Variants in EPHA6 observed in about 807,000 individuals in gnomAD.
The protein encoded by EPHA6 is ephrin type-A receptor 6.
EPHA6 carries 50 observed loss-of-function variants against 112.0 expected under a neutral mutation model. The observed-to-expected ratio is 0.45, with a 90% CI of 0.36 to 0.56. The LOEUF (loss-of-function observed/expected upper bound fraction) is 0.56. Among genes scored for constraint, EPHA6 ranks in the 20% least tolerant of loss-of-function variants. The probability of loss-of-function intolerance (pLI) is 0.00; values close to 1 mark genes in which losing one functional copy is unlikely to be tolerated. For synonymous variants in EPHA6, 529 were observed against 490.7 expected, an observed-to-expected ratio of 1.08 and a Z score of -1.03; for missense variants, 1,280 against 1,417.4, an observed-to-expected ratio of 0.90 and a Z score of 1.56.
intron 3 of EPHA6, among the ~76,000 whole-genome samples, chr3:97,087,396 A>T (rs1011652800): frequency 2.0e-5 from 3 of 152,206 alleles, no homozygotes; most frequent in Middle Eastern, 3.4e-3. Context: ...AGACATGATG[A>T]TCTAACCAAA....
At chr3:97,697,998 TTTTG>T (rs992947935) in intron 14 of EPHA6, among the ~76,000 whole-genome samples, 5 of 152,158 alleles carry the variant, frequency 3.3e-5, no homozygotes, top group Admixed American at 6.5e-5. Flanking sequence ...AATGCATGTT[TTTTG>T]TTTGTTTGTT....
At position 97,708,851 on chromosome 3, in the gene EPHA6, C is replaced by T. The variant is rs193193840; in HGVS notation, c.2785-11410C>T. Among the ~76,000 whole-genome samples, 458 of 152,328 alleles carry T rather than the reference C, an allele frequency of 3.0e-3. 4 individuals carry two copies. Among genetic ancestry groups the T allele is most frequent in the African/African-American group, 9.9e-3 (413 of 41,576 alleles). On this transcript the variant is annotated intron_variant, in intron 14 of 17. Coordinates refer to ENST00000389672, the MANE Select transcript of EPHA6 (RefSeq NM_001080448.3). The stretch of plus-strand genomic sequence containing the variant: ...GGGCCATTGCTTCAGAGGGTGCAAG[C>T]GTCAGGCCTTGGTGGCTTCCATGTG...
chr3:97,237,493 CGA>C (rs1203441150), intron 4 of EPHA6, among the ~76,000 whole-genome samples: 1 of 151,880 alleles, frequency 6.6e-6, no homozygotes, highest in Non-Finnish European at 1.5e-5. Context: ...GTTGGAGAAT[CGA>C]GTTACCACTT....
intron 1 of EPHA6, among the ~76,000 whole-genome samples, chr3:96,821,828 A>T (rs2033282516): frequency 6.6e-6 from 1 of 151,866 alleles, no homozygotes; most frequent in Non-Finnish European, 1.5e-5. Flanking sequence ...GCAACCATAG[A>T]TTTAATATCA....
chr3:97,644,912 A>T (rs1025141667), intron 14 of EPHA6, among the ~76,000 whole-genome samples: 1 of 152,158 alleles, frequency 6.6e-6, no homozygotes, highest in Non-Finnish European at 1.5e-5. Context: ...AGTAAAAAAG[A>T]GGGAATCCTC....
intron 3 of EPHA6, among the ~76,000 whole-genome samples, chr3:97,086,736 A>T (rs1358787691): frequency 1.3e-5 from 2 of 152,118 alleles, no homozygotes; most frequent in Admixed American, 1.3e-4. Flanking sequence ...TATTGAATAA[A>T]TTTATACCAC....
At chr3:97,018,722 G>C (rs1194935869) in intron 3 of EPHA6, among the ~76,000 whole-genome samples, 1 of 152,222 alleles carries the variant, frequency 6.6e-6, no homozygotes, top group Non-Finnish European at 1.5e-5. Context: ...AGACGGTTAG[G>C]CCTCCGGATA....
intron 3 of EPHA6, among the ~76,000 whole-genome samples, chr3:97,176,687 G>T (rs988761554): frequency 1.3e-5 from 2 of 151,750 alleles, no homozygotes. Flanking sequence ...GCATATAGTT[G>T]CTCATAGTAG....
chr3:97,596,875 A>AATATATATATATATAT lies in EPHA6; in HGVS notation c.2512+4153_2512+4168dup, dbSNP rs62670860. 8.7e-3 allele frequency among the ~76,000 whole-genome samples: 877 copies of AATATATATATATATAT among 100,236 alleles called. 4 individuals are homozygous for AATATATATATATATAT. The highest frequency in any genetic ancestry group is 0.011 in the Non-Finnish European group (618 of 55,374). 65.8% of individuals were successfully genotyped at this position (100,236 alleles called of 152,430 possible). A position where few individuals can be genotyped will look rare whatever the true frequency, so the allele number is the denominator to read the frequency against. On this transcript the variant is annotated intron_variant, in intron 12 of 17. Coordinates refer to ENST00000389672, the MANE Select transcript of EPHA6 (RefSeq NM_001080448.3). ...GCAACAATTCCATATATATCTATGG[A>AATATATATATATATAT]ATATATATATATATATATATATATA...
intron 13 of EPHA6, among the ~76,000 whole-genome samples, chr3:97,631,258 C>T (rs1429460927): frequency 1.3e-5 from 2 of 151,958 alleles, no homozygotes; most frequent in Non-Finnish European, 1.5e-5. Flanking sequence ...TTCAGAGATG[C>T]CCATCTTTTG....
chr3:97,673,435 T>A (rs1409363735), intron 14 of EPHA6, among the ~76,000 whole-genome samples: 1 of 152,136 alleles, frequency 6.6e-6, no homozygotes, highest in Non-Finnish European at 1.5e-5. Flanking sequence ...CACTTTTCAT[T>A]TGTGGAAGAT....
intron 15 of EPHA6, among the ~76,000 whole-genome samples, chr3:97,724,516 A>G (rs752745785): frequency 1.2e-4 from 19 of 152,070 alleles, no homozygotes; most frequent in African/African-American, 1.9e-4. Flanking sequence ...CACACATATA[A>G]TCAATGCTTT....
intron 14 of EPHA6, among the ~76,000 whole-genome samples, chr3:97,715,990 C>G (rs2034199205): frequency 6.6e-6 from 1 of 152,126 alleles, no homozygotes; most frequent in African/African-American, 2.4e-5. Flanking sequence ...AATGAGAAGC[C>G]ATTTGAGTTA....
chr3:97,476,488 C>T (rs1468323619), intron 8 of EPHA6, among the ~76,000 whole-genome samples: 1 of 151,922 alleles, frequency 6.6e-6, no homozygotes, highest in Non-Finnish European at 1.5e-5. Context: ...TTCAGTGAAC[C>T]GAAAACACTA....
chr3:97,540,258 A>G (rs757704611), intron 11 of EPHA6, among the ~76,000 whole-genome samples: 1 of 152,220 alleles, frequency 6.6e-6, no homozygotes, highest in African/African-American at 2.4e-5. Context: ...ATGGATTCTC[A>G]GGACATTTAC....
chr3:97,520,022 C>T (rs1205446452), intron 10 of EPHA6, among the ~76,000 whole-genome samples: 2 of 147,052 alleles, frequency 1.4e-5, no homozygotes, highest in Non-Finnish European at 1.5e-5. Flanking sequence ...GGCTGGAGTG[C>T]AGTGGTATGA....
chr3:97,159,077 A>G (rs1169684330), intron 3 of EPHA6, among the ~76,000 whole-genome samples: 2 of 152,154 alleles, frequency 1.3e-5, no homozygotes, highest in Non-Finnish European at 2.9e-5. Context: ...ACCTTCATTC[A>G]TGAACTGCCT....
intron 3 of EPHA6, among the ~76,000 whole-genome samples, chr3:97,014,063 A>C (rs936357834): frequency 1.3e-5 from 2 of 152,048 alleles, no homozygotes; most frequent in Non-Finnish European, 2.9e-5. Context: ...TTATATTTGA[A>C]CTTTCTTATA....
At chr3:97,125,314 T>G (rs551391614) in intron 3 of EPHA6, among the ~76,000 whole-genome samples, 1 of 152,324 alleles carries the variant, frequency 6.6e-6, no homozygotes, top group South Asian at 2.1e-4. Context: ...TCTGGCATAT[T>G]GCATTAAGTA....
Sources: gnomAD v4.1 joint callset for allele counts (sites outside exome capture counted in the v4.1 genomes callset) on GRCh38, gnomAD v4.1.1 for gene constraint, MANE v1.5 for transcripts, NCBI Gene and HGNC (gene_info 2026-07-23, HGNC 2026-07-21) for gene names.